The following RAD23B variants were observed in gnomAD, a reference collection of about 807,000 sequenced individuals.
RAD23B encodes lysine-specific demethylase RAD23B.
RAD23B carries 5 observed loss-of-function variants against 49.1 expected under a neutral mutation model. The observed-to-expected ratio is 0.10, with a 90% CI of 0.05 to 0.21. The LOEUF (loss-of-function observed/expected upper bound fraction) is 0.21, where lower values mean the gene tolerates loss of function less well. Among genes scored for constraint, RAD23B ranks in the 10% least tolerant of loss-of-function variants. The pLI is 1.00. For missense variants in RAD23B, 356 were observed against 486.7 expected (o/e 0.73, Z 2.53); for synonymous variants, 184 against 165.4 (o/e 1.11, Z -0.86).
chr9:107,329,441 T>C, intron 9 of RAD23B, 102 bp from the exon 10 acceptor site: 1 of 695,044 alleles, frequency 1.4e-6, no homozygotes, highest in Non-Finnish European at 2.3e-6. Context: ...TTTTGAGTAA[T>C]GATTTATCTT....
intron 3 of RAD23B, 105 bp from the exon 4 acceptor site, chr9:107,306,274 G>T: frequency 9.5e-7 from 1 of 1,053,404 alleles, no homozygotes; most frequent in Non-Finnish European, 1.4e-6. Flanking sequence ...GTTATAGGTT[G>T]TTATTAGTGC....
chr9:107,306,462 C>T lies in RAD23B; in HGVS notation c.312C>T (p.Thr104=). The part of the protein sequence containing the change: ...ASTTAVTSST[T]TTVAQAPTPV... Reference sequence around the variant, plus strand: ...CTACAGCAGTTACTTCCTCCACCACCACAACTGTGGCTCAGGCTCCAACCC... The same window carrying T: ...CTACAGCAGTTACTTCCTCCACCACTACAACTGTGGCTCAGGCTCCAACCC... Residue 104 remains threonine (T), a synonymous_variant, in exon 4 of 10, where the codon ACC becomes ACT. Coordinates refer to ENST00000358015, the MANE Select transcript of RAD23B (RefSeq NM_002874.5). The T allele has an allele frequency of 3.1e-6, 5 of 1,614,168 alleles. No homozygotes were observed. The highest frequency in any genetic ancestry group is 4.2e-6 in the Non-Finnish European group (5 of 1,180,028).
chr9:107,290,291 C>T (rs1833354704), intron 1 of RAD23B, among the ~76,000 whole-genome samples: 1 of 152,158 alleles, frequency 6.6e-6, no homozygotes, highest in Admixed American at 6.5e-5. Context: ...GTACCTCATC[C>T]CCTGTCATGT....
At chr9:107,325,025 A>G (rs372941269) in intron 9 of RAD23B, 21 bp downstream of exon 9, 4 of 1,605,270 alleles carry the variant, frequency 2.5e-6, no homozygotes, top group Admixed American at 1.7e-5. Flanking sequence ...GTAAAACTTT[A>G]AAAAAATTAG....
Position 107,306,577 on chromosome 9 carries a change from G to T in RAD23B, c.427G>T (p.Ala143Ser), listed in dbSNP as rs749832557. The change falls in exon 4 of 10, where the codon GCT becomes TCT. Residue 143 changes from alanine to serine, a missense_variant. Physicochemically the swap from Ala to Ser is moderately conservative, Grantham distance 99 (BLOSUM62 1). Transcript: ENST00000358015. ...TTCTGAACCTGCACCTGCTAGTGCA[G>T]CTAAACAAGAGAAGCCTGCAGAAAA... ...ASSEPAPASA[A>S]KQEKPAEKPA... 3.7e-6 allele frequency: 6 copies of T among 1,614,008 alleles called. No individual in the cohort carries two copies. The highest frequency in any genetic ancestry group is 5.1e-6 in the Non-Finnish European group (6 of 1,180,036).
Position 107,329,503 on chromosome 9 carries a change from T to C in RAD23B, c.1117-40T>C, listed in dbSNP as rs753023285. On this transcript the variant is annotated intron_variant, in intron 9 of 9. Transcript: ENST00000358015. ...GTAAATAAAATTAAATGTGCCATAATTGGTGTGTTGGATTTATATTTTTTT... is the reference window on the plus strand; with the variant it reads ...GTAAATAAAATTAAATGTGCCATAACTGGTGTGTTGGATTTATATTTTTTT... 23 of 1,203,632 alleles carry C rather than the reference T, an allele frequency of 1.9e-5. No homozygotes were observed. The South Asian group carries it at 2.3e-4, about 12-fold the overall frequency. 74.6% of individuals were successfully genotyped at this position (1,203,632 alleles called of 1,614,324 possible).
intron 1 of RAD23B, among the ~76,000 whole-genome samples, chr9:107,297,006 C>G (rs1235352700): frequency 6.6e-6 from 1 of 151,966 alleles, no homozygotes; most frequent in Non-Finnish European, 1.5e-5. Context: ...AAGTGTGCAC[C>G]ACCATGCCCG....
At position 107,331,456 on chromosome 9, in the gene RAD23B, T is replaced by C. The variant is rs1023540882; in HGVS notation, c.*1800T>C. Reference sequence around the variant, plus strand: ...AAGTGAAGGTTGCCGTGAGCTGAGATCACACCACTGCCATAAACATGACAG... The same window carrying C: ...AAGTGAAGGTTGCCGTGAGCTGAGACCACACCACTGCCATAAACATGACAG... On this transcript the variant is annotated 3_prime_UTR_variant, in exon 10 of 10. Transcript: ENST00000358015. The C allele has an allele frequency of 2.1e-6, 1 of 478,096 alleles. No individual in the cohort carries two copies. The highest frequency in any genetic ancestry group is 3.6e-5 in the Admixed American group (1 of 27,988). The allele number at this position is 478,096 out of a possible 1,614,324, so 29.6% of individuals were successfully genotyped here.
intron 1 of RAD23B, among the ~76,000 whole-genome samples, chr9:107,299,155 C>CT (rs918292406): frequency 1.6e-4 from 24 of 152,062 alleles, no homozygotes; most frequent in Admixed American, 1.1e-3. Flanking sequence ...GCTAAATAAG[C>CT]TTTTTTTATC....
At chr9:107,288,707 A>G (rs1474779679) in intron 1 of RAD23B, among the ~76,000 whole-genome samples, 2 of 152,098 alleles carry the variant, frequency 1.3e-5, no homozygotes, top group Non-Finnish European at 2.9e-5. Flanking sequence ...CTACTTTTAA[A>G]TTTACTAGTC....
At chr9:107,312,376 G>C (rs1203277734) in intron 5 of RAD23B, among the ~76,000 whole-genome samples, 1 of 152,150 alleles carries the variant, frequency 6.6e-6, no homozygotes, top group East Asian at 1.9e-4. Context: ...GAGGGAGAAA[G>C]CGAGGAATAG....
At chr9:107,317,238 G>T (rs1223299580) in intron 5 of RAD23B, among the ~76,000 whole-genome samples, 2 of 152,152 alleles carry the variant, frequency 1.3e-5, no homozygotes, top group Non-Finnish European at 2.9e-5. Flanking sequence ...GATGACAGTA[G>T]AGAATGAAGA....
At chr9:107,311,814 A>C (rs1826894982) in intron 5 of RAD23B, 77 bp downstream of exon 5, 2 of 1,119,894 alleles carry the variant, frequency 1.8e-6, no homozygotes, top group Admixed American at 2.7e-5. Flanking sequence ...TCATGATAAA[A>C]GTGTTAATAA....
At chr9:107,298,738 CT>C (rs1056753082) in intron 1 of RAD23B, among the ~76,000 whole-genome samples, 2 of 151,358 alleles carry the variant, frequency 1.3e-5, no homozygotes, top group Non-Finnish European at 2.9e-5. Flanking sequence ...ATTATACTTA[CT>C]TTTTTTGCAA....
At chr9:107,319,005 T>A in intron 6 of RAD23B, 126 bp downstream of exon 6, 1 of 906,968 alleles carries the variant, frequency 1.1e-6, no homozygotes, top group Non-Finnish European at 1.5e-6. Context: ...TGCTTTTTTT[T>A]TTCTAGTATG....
At chr9:107,327,446 A>T (rs1375299892) in intron 9 of RAD23B, among the ~76,000 whole-genome samples, 1 of 152,182 alleles carries the variant, frequency 6.6e-6, no homozygotes, top group African/African-American at 2.4e-5. Flanking sequence ...GTAGCATCCC[A>T]TAAGTTTTAG....
intron 1 of RAD23B, chr9:107,283,974 G>GT (rs1380565879): frequency 8.9e-7 from 1 of 1,121,486 alleles, no homozygotes; most frequent in East Asian, 5.2e-5. Context: ...CTAGGAGCTC[G>GT]TGCTAGCGGG....
intron 5 of RAD23B, among the ~76,000 whole-genome samples, chr9:107,316,665 G>C (rs1447440672): frequency 6.6e-6 from 1 of 151,966 alleles, no homozygotes; most frequent in Non-Finnish European, 1.5e-5. Flanking sequence ...GGGGTTTTTA[G>C]CTATTAAACA....
At chr9:107,319,275 C>T (rs11573690) in intron 6 of RAD23B, among the ~76,000 whole-genome samples, 3,353 of 151,840 alleles carry the variant, frequency 0.022, 119 homozygotes, top group African/African-American at 0.074. Context: ...GGACCACAGG[C>T]GCCTGCCACC....
Sources: gnomAD v4.1 joint callset for allele counts (sites outside exome capture counted in the v4.1 genomes callset) on GRCh38, gnomAD v4.1.1 for gene constraint, MANE v1.5 for transcripts, NCBI Gene and HGNC (gene_info 2026-07-23, HGNC 2026-07-21) for gene names.